Variants in C1orf141 observed in about 807,000 individuals in gnomAD.
C1orf141 encodes the protein chromosome 1 open reading frame 141.
In C1orf141, 19 loss-of-function variants were observed where a neutral mutation model predicts 23.2. The ratio of observed to expected loss-of-function variants is 0.82; its 90% CI spans 0.57 to 1.20. The LOEUF is 1.20. Among genes scored for constraint, C1orf141 ranks in the 50% most tolerant of loss-of-function variants. The probability of loss-of-function intolerance (pLI) is 0.00; values close to 1 mark genes in which losing one functional copy is unlikely to be tolerated. For missense variants in C1orf141, 469 were observed against 455.1 expected (o/e 1.03, Z -0.28); for synonymous variants, 153 against 154.6 (o/e 0.99, Z 0.08).
chr1:67,096,028 A>G (rs1645672519), intron 6 of C1orf141: 2 of 324,474 alleles, frequency 6.2e-6, no homozygotes, highest in South Asian at 1.0e-4. Context: ...AAAAAAAAAA[A>G]TTGTATTCCC....
chr1:67,132,600 T>TA (rs1425644175), intron 1 of C1orf141, among the ~76,000 whole-genome samples: 4 of 152,196 alleles, frequency 2.6e-5, no homozygotes, highest in African/African-American at 9.6e-5. Context: ...AGAATTGACT[T>TA]ATCCACCTCC....
rs1646291787 is a variant in C1orf141, at chr1:67,121,181, G to A, written c.233+4571C>T. ...AATTTTAATAACCTTGCCTTTGGGT[G>A]TAGTTTTAATGTGGAATTTTACTCA... On this transcript the variant is annotated intron_variant, in intron 4 of 7. Coordinates refer to ENST00000684719, the MANE Select transcript of C1orf141 (RefSeq NM_001276351.2). Among the ~76,000 whole-genome samples, 22 of 152,304 alleles carry A rather than the reference G, an allele frequency of 1.4e-4. No individual in the cohort carries two copies. In the South Asian group the frequency reaches 4.6e-3, roughly 32 times the overall value.
At chr1:67,131,500 C>A (rs1646514925) in intron 1 of C1orf141, among the ~76,000 whole-genome samples, 3 of 152,172 alleles carry the variant, frequency 2.0e-5, no homozygotes, top group Admixed American at 1.3e-4. Context: ...AGCCCACAAA[C>A]CTTGGCTTGC....
intron 7 of C1orf141, chr1:67,093,864 G>A (rs1295973129): frequency 1.4e-5 from 3 of 222,040 alleles, no homozygotes; most frequent in African/African-American, 2.3e-5. Flanking sequence ...GAAATAAATT[G>A]GAATACGAAA....
chr1:67,126,959 TC>T (rs1646427348), intron 3 of C1orf141, among the ~76,000 whole-genome samples: 1 of 152,222 alleles, frequency 6.6e-6, no homozygotes, highest in Admixed American at 6.5e-5. Flanking sequence ...CAAAAGCCCT[TC>T]ATGGGATGAT....
chr1:67,119,352 G>A (rs1408037270), intron 4 of C1orf141, among the ~76,000 whole-genome samples: 1 of 152,184 alleles, frequency 6.6e-6, no homozygotes, highest in African/African-American at 2.4e-5. Context: ...GTATTTTGTG[G>A]AATGCAGAAC....
At chr1:67,097,200 AC>A (rs1159899942) in intron 5 of C1orf141, among the ~76,000 whole-genome samples, 63 of 152,218 alleles carry the variant, frequency 4.1e-4, no homozygotes, top group African/African-American at 1.5e-3. Flanking sequence ...TCTCAAAAAA[AC>A]AAAAACAAAA....
intron 3 of C1orf141, among the ~76,000 whole-genome samples, chr1:67,126,318 C>G (rs918753649): frequency 6.6e-6 from 1 of 152,082 alleles, no homozygotes; most frequent in Non-Finnish European, 1.5e-5. Context: ...TTCCTCTAGT[C>G]GTGAGAGCCA....
In C1orf141 at chr1:67,127,272, G is replaced by A. The variant is rs770356540; in HGVS notation, c.-17-15C>T. 2 of 1,399,442 alleles carry A rather than the reference G, an allele frequency of 1.4e-6. No homozygotes were observed. Among genetic ancestry groups the A allele is most frequent in the African/African-American group, 1.4e-5 (1 of 70,418 alleles). 86.7% of individuals were successfully genotyped at this position (1,399,442 alleles called of 1,614,324 possible). On this transcript the variant is annotated splice_polypyrimidine_tract_variant and intron_variant, in intron 2 of 7. Coordinates refer to ENST00000684719, the MANE Select transcript of C1orf141 (RefSeq NM_001276351.2). ...TCACTAAATTCCTATTTTAAAATAA[G>A]GAGGAAGAAGAACAAATCAATTCAA...
Position 67,116,722 on chromosome 1 carries a change from A to G in C1orf141, c.234-1258T>C, listed in dbSNP as rs151157518. Among the ~76,000 whole-genome samples, 455 of 151,860 alleles carry G rather than the reference A, an allele frequency of 3.0e-3. 7 individuals carry two copies. Among genetic ancestry groups the G allele is most frequent in the East Asian group, 0.03 (152 of 5,126 alleles). On this transcript the variant is annotated intron_variant, in intron 4 of 7. Transcript: ENST00000684719. ...CACATGAACGCTGAGCAAATTTTCT[A>G]CCTGTTTGGTTCAGGGAAAGGAATT...
At chr1:67,133,765 C>G (rs1169108861) in intron 1 of C1orf141, among the ~76,000 whole-genome samples, 3 of 152,164 alleles carry the variant, frequency 2.0e-5, no homozygotes, top group Admixed American at 2.0e-4. Flanking sequence ...GAGAAGGCAG[C>G]CACCACCCCA....
chr1:67,127,071 T>C (rs1646429258), intron 3 of C1orf141, 95 bp downstream of exon 3: 1 of 759,856 alleles, frequency 1.3e-6, no homozygotes, highest in African/African-American at 1.8e-5. Context: ...GTTTATATCA[T>C]ATTAATGTAT....
chr1:67,101,796 T>TA (rs1475039509), intron 5 of C1orf141, among the ~76,000 whole-genome samples: 2 of 152,190 alleles, frequency 1.3e-5, no homozygotes, highest in East Asian at 3.8e-4. Flanking sequence ...ATAAAAAGGA[T>TA]AAAATGCTTC....
At chr1:67,105,430 T>C (rs1558190042) in intron 5 of C1orf141, among the ~76,000 whole-genome samples, 1 of 152,110 alleles carries the variant, frequency 6.6e-6, no homozygotes, top group South Asian at 2.1e-4. Context: ...TATTAGTCTA[T>C]GACATGGCAA....
intron 5 of C1orf141, among the ~76,000 whole-genome samples, chr1:67,097,303 C>T (rs1343120423): frequency 6.6e-6 from 1 of 152,202 alleles, no homozygotes; most frequent in African/African-American, 2.4e-5. Flanking sequence ...GAAGTATTTG[C>T]AGCATTCAAG....
intron 5 of C1orf141, among the ~76,000 whole-genome samples, chr1:67,100,977 C>T (rs1262520856): frequency 6.7e-6 from 1 of 150,310 alleles, no homozygotes; most frequent in Non-Finnish European, 1.5e-5. Context: ...GCGGTGAGTA[C>T]TCTGTTTATG....
chr1:67,114,707 G>C (rs1046551278), intron 5 of C1orf141, among the ~76,000 whole-genome samples: 2 of 152,076 alleles, frequency 1.3e-5, no homozygotes, highest in East Asian at 3.9e-4. Flanking sequence ...ATGGAGTCTC[G>C]CTCTTGTCAC....
At chr1:67,109,739 T>C (rs1303657271) in intron 5 of C1orf141, among the ~76,000 whole-genome samples, 2 of 152,194 alleles carry the variant, frequency 1.3e-5, no homozygotes, top group South Asian at 2.1e-4. Context: ...TTGTTGAGGA[T>C]GTAATTTTTC....
At chr1:67,122,322 C>A (rs1228083827) in intron 4 of C1orf141, 1 of 152,210 alleles carries the variant, frequency 6.6e-6, no homozygotes, top group South Asian at 2.1e-4. Flanking sequence ...CAGGTGTGAG[C>A]CACCATGGCT....
Sources: gnomAD v4.1 joint callset for allele counts (sites outside exome capture counted in the v4.1 genomes callset) on GRCh38, gnomAD v4.1.1 for gene constraint, MANE v1.5 for transcripts, NCBI Gene and HGNC (gene_info 2026-07-23, HGNC 2026-07-21) for gene names.